IMMP2L: variants seen among roughly 807,000 people sequenced by gnomAD.
IMMP2L encodes the protein inner mitochondrial membrane peptidase subunit 2.
IMMP2L carries 18 observed loss-of-function variants against 19.3 expected under a neutral mutation model. The ratio of observed to expected loss-of-function variants is 0.93; its 90% confidence interval spans 0.64 to 1.38. The LOEUF (loss-of-function observed/expected upper bound fraction) is 1.38. Among genes scored for constraint, IMMP2L ranks in the 40% most tolerant of loss-of-function variants. IMMP2L has a pLI of 0.00. For missense variants in IMMP2L, 233 were observed against 218.2 expected (o/e 1.07, Z -0.43); for synonymous variants, 76 against 73.0 (o/e 1.04, Z -0.21).
intron 3 of IMMP2L, chr7:111,091,024 G>C (rs557718930): frequency 6.6e-6 from 1 of 152,322 alleles, no homozygotes; most frequent in South Asian, 2.1e-4. Context: ...AACCAGACTG[G>C]AGCAGCTGCG....
At chr7:111,501,368 G>C (rs959506728) in intron 2 of IMMP2L, among the ~76,000 whole-genome samples, 4 of 152,150 alleles carry the variant, frequency 2.6e-5, no homozygotes, top group African/African-American at 9.7e-5. Flanking sequence ...GAAAGTGACG[G>C]GGAGAATGGA....
chr7:110,797,404 G>A (rs1162613961), intron 5 of IMMP2L, among the ~76,000 whole-genome samples: 1 of 151,848 alleles, frequency 6.6e-6, no homozygotes, highest in Non-Finnish European at 1.5e-5. Context: ...AATTATTAAT[G>A]GAAAAAAGTT....
chr7:111,378,982 TG>T (rs1392142246), intron 3 of IMMP2L, among the ~76,000 whole-genome samples: 2 of 151,856 alleles, frequency 1.3e-5, no homozygotes, highest in Admixed American at 6.6e-5. Context: ...ATAATAACCA[TG>T]TTGTTACACA....
chr7:111,292,054 A>G (rs762818638), intron 3 of IMMP2L, among the ~76,000 whole-genome samples: 1 of 152,098 alleles, frequency 6.6e-6, no homozygotes, highest in Non-Finnish European at 1.5e-5. Flanking sequence ...CACTCATATA[A>G]TATCTCTTCA....
At chr7:111,137,239 C>T (rs529481115) in intron 3 of IMMP2L, among the ~76,000 whole-genome samples, 41 of 152,064 alleles carry the variant, frequency 2.7e-4, no homozygotes, top group South Asian at 1.2e-3. Context: ...AAATAAAGTA[C>T]GCTTTATTTA....
Position 110,679,370 on chromosome 7 carries a change from G to A in IMMP2L, c.409-15649C>T, listed in dbSNP as rs1474224884. Among the ~76,000 whole-genome samples the A allele has an allele frequency of 2.0e-5, 3 of 152,088 alleles. No homozygotes were observed. The East Asian group carries it at 5.8e-4, about 29-fold the overall frequency. ...CTCACACTATTCAACAATAATCCAA[G>A]GTGGATGGATGACATTACCAACCGA... On this transcript the variant is annotated intron_variant, in intron 5 of 5. Coordinates refer to ENST00000405709, the MANE Select transcript of IMMP2L (RefSeq NM_032549.4).
At chr7:111,151,516 T>C (rs1218495550) in intron 3 of IMMP2L, among the ~76,000 whole-genome samples, 3 of 152,294 alleles carry the variant, frequency 2.0e-5, no homozygotes, top group South Asian at 2.1e-4. Flanking sequence ...ATTGAAACTA[T>C]ATTTAAGGGA....
At chr7:111,015,176 G>C (rs563073505) in intron 3 of IMMP2L, among the ~76,000 whole-genome samples, 9 of 152,098 alleles carry the variant, frequency 5.9e-5, no homozygotes, top group Non-Finnish European at 1.0e-4. Context: ...CCAGAAGAAT[G>C]GACAAACAAA....
chr7:111,282,860 G>A (rs1055168898), intron 3 of IMMP2L, among the ~76,000 whole-genome samples: 2 of 152,148 alleles, frequency 1.3e-5, no homozygotes, highest in Admixed American at 6.5e-5. Flanking sequence ...TGGGATTATA[G>A]GCATGAGACA....
At chr7:111,545,965 G>A (rs1848894804) in intron 1 of IMMP2L, among the ~76,000 whole-genome samples, 1 of 151,880 alleles carries the variant, frequency 6.6e-6, no homozygotes, top group African/African-American at 2.4e-5. Flanking sequence ...CATTTCTTAA[G>A]TCTCCTCCAA....
chr7:110,776,373 A>G (rs1487127066), intron 5 of IMMP2L, among the ~76,000 whole-genome samples: 1 of 152,048 alleles, frequency 6.6e-6, no homozygotes, highest in Non-Finnish European at 1.5e-5. Flanking sequence ...AGGTATCTCT[A>G]CGTTCCATGA....
chr7:111,324,590 A>G (rs913991419), intron 3 of IMMP2L, among the ~76,000 whole-genome samples: 1 of 151,874 alleles, frequency 6.6e-6, no homozygotes, highest in Admixed American at 6.6e-5. Flanking sequence ...AATAGTTCCT[A>G]GAGTCAAATA....
At chr7:111,310,936 T>C (rs185335983) in intron 3 of IMMP2L, among the ~76,000 whole-genome samples, 1 of 152,306 alleles carries the variant, frequency 6.6e-6, no homozygotes, top group East Asian at 1.9e-4. Context: ...CCTATTCTCC[T>C]TTGCGCAAGG....
intron 3 of IMMP2L, among the ~76,000 whole-genome samples, chr7:111,284,372 T>C (rs1193028833): frequency 6.6e-6 from 1 of 152,118 alleles, no homozygotes; most frequent in African/African-American, 2.4e-5. Context: ...CCTTCATTAC[T>C]ACATTACTAC....
intron 3 of IMMP2L, among the ~76,000 whole-genome samples, chr7:111,364,628 CG>C (rs1033805073): frequency 1.4e-5 from 2 of 143,410 alleles, no homozygotes; most frequent in African/African-American, 5.2e-5. Context: ...GAGTGAGACT[CG>C]GTCTCAAAAA....
intron 3 of IMMP2L, among the ~76,000 whole-genome samples, chr7:111,446,703 T>C (rs1023744811): frequency 2.6e-5 from 4 of 152,230 alleles, no homozygotes; most frequent in Non-Finnish European, 5.9e-5. Context: ...CAAAACTGGA[T>C]GGAGAATGAT....
chr7:110,935,749 T>A (rs2129552304), intron 4 of IMMP2L, among the ~76,000 whole-genome samples: 1 of 152,252 alleles, frequency 6.6e-6, no homozygotes, highest in African/African-American at 2.4e-5. Flanking sequence ...AAGACAATCC[T>A]AAGCAAAAAG....
At chr7:110,688,541 C>T (rs778740861) in intron 5 of IMMP2L, among the ~76,000 whole-genome samples, 36 of 151,726 alleles carry the variant, frequency 2.4e-4, no homozygotes, top group Non-Finnish European at 4.4e-4. Flanking sequence ...ACCACAAACG[C>T]ATAAGACTAA....
At chr7:111,495,841 C>T (rs1843544741) in intron 2 of IMMP2L, among the ~76,000 whole-genome samples, 1 of 152,062 alleles carries the variant, frequency 6.6e-6, no homozygotes, top group Admixed American at 6.5e-5. Flanking sequence ...TGCTTTCAAC[C>T]TTTTCAGGCT....
Sources: allele counts gnomAD v4.1 joint callset (sites outside exome capture counted in the v4.1 genomes callset), GRCh38; gene constraint gnomAD v4.1.1; transcripts MANE v1.5; gene names NCBI Gene and HGNC (gene_info 2026-07-23, HGNC 2026-07-21).